SCAI: variants seen among roughly 807,000 people sequenced by gnomAD.
The protein encoded by SCAI is suppressor of cancer cell invasion.
SCAI carries 24 observed loss-of-function variants against 92.2 expected under a neutral mutation model. The observed-to-expected ratio is 0.26, with a 90% CI of 0.19 to 0.37. The LOEUF (loss-of-function observed/expected upper bound fraction) is 0.37, where lower values mean the gene tolerates loss of function less well. SCAI is among the 10% of genes least tolerant of loss of function. The probability of loss-of-function intolerance (pLI) is 1.00; values close to 1 mark genes in which losing one functional copy is unlikely to be tolerated. For missense variants in SCAI, 450 were observed against 736.2 expected, an observed-to-expected ratio of 0.61 and a Z score of 4.50; for synonymous variants, 261 against 258.6, an observed-to-expected ratio of 1.01 and a Z score of -0.09.
At chr9:125,074,244 G>A (rs1243685782) in intron 2 of SCAI, among the ~76,000 whole-genome samples, 3 of 139,842 alleles carry the variant, frequency 2.1e-5, no homozygotes, top group Admixed American at 7.1e-5. Context: ...GGGTGACAGA[G>A]CGAGACTCCA....
intron 2 of SCAI, among the ~76,000 whole-genome samples, chr9:125,095,535 C>A (rs998213843): frequency 6.6e-6 from 1 of 152,214 alleles, no homozygotes; most frequent in Non-Finnish European, 1.5e-5. Context: ...TACATAATAA[C>A]AGAGTCTCCT....
chr9:125,135,121 C>G (rs1404761950), intron 2 of SCAI, among the ~76,000 whole-genome samples: 1 of 152,130 alleles, frequency 6.6e-6, no homozygotes, highest in Non-Finnish European at 1.5e-5. Flanking sequence ...TTTTACTGAG[C>G]TCCCCCTTAG....
intron 2 of SCAI, among the ~76,000 whole-genome samples, chr9:125,066,519 G>A (rs1475261921): frequency 6.6e-6 from 1 of 151,340 alleles, no homozygotes; most frequent in African/African-American, 2.4e-5. Context: ...GCAGTGGCAT[G>A]ATCTCAGCTC....
chr9:125,067,291 G>C (rs1833892589), intron 2 of SCAI, among the ~76,000 whole-genome samples: 1 of 152,178 alleles, frequency 6.6e-6, no homozygotes, highest in Non-Finnish European at 1.5e-5. Context: ...TTTGGAAATA[G>C]GGGTTTTGCA....
chr9:125,105,248 T>C (rs533323521), intron 2 of SCAI, among the ~76,000 whole-genome samples: 7 of 152,094 alleles, frequency 4.6e-5, no homozygotes, highest in South Asian at 2.1e-4. Flanking sequence ...GGCAGGAAGA[T>C]TGCTACCACT....
At chr9:124,987,330 T>TA (rs879578572) in intron 14 of SCAI, among the ~76,000 whole-genome samples, 2 of 151,608 alleles carry the variant, frequency 1.3e-5, no homozygotes, top group Non-Finnish European at 1.5e-5. Flanking sequence ...ATGGCTTTTT[T>TA]TTATTATTAT....
intron 10 of SCAI, 93 bp from the exon 11 acceptor site, chr9:125,003,308 C>A: frequency 9.2e-7 from 1 of 1,086,226 alleles, no homozygotes; most frequent in South Asian, 1.3e-5. Context: ...TCAAGGAAGT[C>A]TTATTTTCAC....
At chr9:125,044,991 C>T (rs1408608489) in intron 3 of SCAI, among the ~76,000 whole-genome samples, 2 of 152,188 alleles carry the variant, frequency 1.3e-5, no homozygotes, top group African/African-American at 2.4e-5. Context: ...TGGCCAGACC[C>T]CATGCCCATT....
intron 17 of SCAI, chr9:124,968,692 T>A: frequency 7.3e-7 from 1 of 1,373,250 alleles, no homozygotes; most frequent in Non-Finnish European, 1.0e-6. Flanking sequence ...CCCGATTTCC[T>A]CAAATTCATC....
chr9:125,117,968 C>T (rs774401887), intron 2 of SCAI, among the ~76,000 whole-genome samples: 2 of 151,972 alleles, frequency 1.3e-5, no homozygotes, highest in Admixed American at 6.6e-5. Context: ...TGAATAATGC[C>T]CCCATCTTCT....
chr9:125,142,461 G>C (rs974826), intron 2 of SCAI, 172 bp downstream of exon 2: 236,206 of 531,968 alleles, frequency 0.44, 54,539 homozygotes, highest in East Asian at 0.54. Context: ...ATCGACTGTA[G>C]AGGTAGTAAT....
At chr9:124,977,632 C>T (rs561271255) in intron 14 of SCAI, among the ~76,000 whole-genome samples, 2 of 152,278 alleles carry the variant, frequency 1.3e-5, no homozygotes, top group South Asian at 4.1e-4. Context: ...TCTGATTGTG[C>T]CACTGCACTC....
At chr9:125,006,578 G>A (rs1442559299) in intron 9 of SCAI, among the ~76,000 whole-genome samples, 1 of 152,082 alleles carries the variant, frequency 6.6e-6, no homozygotes, top group Admixed American at 6.5e-5. Flanking sequence ...TGCAACCTCT[G>A]CCTCCCGGGT....
intron 17 of SCAI, among the ~76,000 whole-genome samples, chr9:124,953,813 C>T (rs1831272058): frequency 1.3e-5 from 2 of 152,222 alleles, no homozygotes; most frequent in South Asian, 2.1e-4. Context: ...TTTCATGCAA[C>T]AGTTCATACA....
chr9:125,087,788 T>C (rs1261719544), intron 2 of SCAI, among the ~76,000 whole-genome samples: 1 of 152,138 alleles, frequency 6.6e-6, no homozygotes, highest in South Asian at 2.1e-4. Flanking sequence ...TAATTTTATG[T>C]GTGTGATAAT....
intron 6 of SCAI, among the ~76,000 whole-genome samples, chr9:125,022,564 A>C (rs1832890418): frequency 6.6e-6 from 1 of 152,164 alleles, no homozygotes; most frequent in Non-Finnish European, 1.5e-5. Context: ...GGTGTGTGCC[A>C]CCATGCCTGG....
intron 2 of SCAI, among the ~76,000 whole-genome samples, chr9:125,068,608 A>G (rs1034669642): frequency 6.6e-6 from 1 of 152,004 alleles, no homozygotes; most frequent in African/African-American, 2.4e-5. Flanking sequence ...AGACTGCTTG[A>G]AGCCAGGAGT....
intron 2 of SCAI, among the ~76,000 whole-genome samples, chr9:125,133,384 G>A (rs748359885): frequency 3.3e-5 from 5 of 151,870 alleles, no homozygotes; most frequent in Admixed American, 6.6e-5. Context: ...GTGAGACTTC[G>A]TCTCAAAAAC....
At chr9:125,019,321 T>C in intron 7 of SCAI, 116 bp from the exon 8 acceptor site, 2 of 619,762 alleles carry the variant, frequency 3.2e-6, no homozygotes, top group Admixed American at 3.2e-5. Flanking sequence ...TTATTAGCAA[T>C]ACACAGTCCT....
Sources: allele counts gnomAD v4.1 joint callset (sites outside exome capture counted in the v4.1 genomes callset), GRCh38; gene constraint gnomAD v4.1.1; transcripts MANE v1.5; gene names NCBI Gene and HGNC (gene_info 2026-07-23, HGNC 2026-07-21).